Variants in NEGR1 observed in about 807,000 individuals in gnomAD.
NEGR1 encodes neuronal growth regulator 1.
In NEGR1, 10 loss-of-function variants were observed where a neutral mutation model predicts 40.9. The observed-to-expected ratio is 0.24, with a 90% CI of 0.15 to 0.42. NEGR1 has a LOEUF of 0.42. NEGR1 is among the 10% of genes least tolerant of loss of function. NEGR1 has a pLI of 1.00. For synonymous variants in NEGR1, 185 were observed against 166.8 expected (o/e 1.11, Z -0.84); for missense variants, 352 against 438.9 (o/e 0.80, Z 1.77).
At chr1:71,989,853 C>G (rs1227527043) in intron 1 of NEGR1, among the ~76,000 whole-genome samples, 1 of 152,128 alleles carries the variant, frequency 6.6e-6, no homozygotes, top group Admixed American at 6.5e-5. Flanking sequence ...TAGATTTTCT[C>G]ATTTATATAC....
intron 4 of NEGR1, among the ~76,000 whole-genome samples, chr1:71,689,835 G>T (rs919121673): frequency 6.6e-6 from 1 of 150,958 alleles, no homozygotes; most frequent in Non-Finnish European, 1.5e-5. Context: ...TTAAATAAAT[G>T]TAATGTAAAT....
intron 6 of NEGR1, among the ~76,000 whole-genome samples, chr1:71,471,953 T>C (rs1646785325): frequency 6.6e-6 from 1 of 152,098 alleles, no homozygotes; most frequent in South Asian, 2.1e-4. Context: ...TTCTCTATTC[T>C]TCCCTTTTAC....
At chr1:71,536,539 T>TCA (rs1241893691) in intron 6 of NEGR1, among the ~76,000 whole-genome samples, 1 of 151,730 alleles carries the variant, frequency 6.6e-6, no homozygotes, top group African/African-American at 2.4e-5. Flanking sequence ...GCCTGCAGAA[T>TCA]CACAAGCCAA....
At chr1:71,871,741 G>A (rs539124994) in intron 2 of NEGR1, among the ~76,000 whole-genome samples, 1 of 152,176 alleles carries the variant, frequency 6.6e-6, no homozygotes, top group East Asian at 1.9e-4. Flanking sequence ...TTTTTATTGA[G>A]GCACAGATAT....
chr1:72,130,768 T>C (rs1462412960), intron 1 of NEGR1, among the ~76,000 whole-genome samples: 1 of 152,292 alleles, frequency 6.6e-6, no homozygotes, highest in South Asian at 2.1e-4. Flanking sequence ...AATTCATGCC[T>C]CATATCCGCA....
At chr1:71,870,624 T>C (rs573224924) in intron 2 of NEGR1, among the ~76,000 whole-genome samples, 2 of 152,208 alleles carry the variant, frequency 1.3e-5, no homozygotes, top group African/African-American at 2.4e-5. Flanking sequence ...GAATTTGGTA[T>C]TGTAATATAT....
At chr1:72,201,454 T>C (rs1653202770) in intron 1 of NEGR1, among the ~76,000 whole-genome samples, 1 of 151,768 alleles carries the variant, frequency 6.6e-6, no homozygotes, top group Admixed American at 6.6e-5. Flanking sequence ...TATTAGTGTA[T>C]AATAGTTCAA....
At chr1:72,174,173 G>A (rs2821295) in intron 1 of NEGR1, among the ~76,000 whole-genome samples, 79,345 of 151,654 alleles carry the variant, frequency 0.52, 21,397 homozygotes, top group East Asian at 0.84. Context: ...CTTTCTTAAC[G>A]TAGACTGTTT....
rs746585370 is a variant in NEGR1 at position 71,400,234 on chromosome 1, C to T, written c.*7212G>A. On this transcript the variant is annotated 3_prime_UTR_variant, in exon 7 of 7. Coordinates refer to ENST00000357731, the MANE Select transcript of NEGR1 (RefSeq NM_173808.3). ...TGAACCATGCTACCTCCTGTAGTTT[C>T]TACCAAACCAAGATGTGTGCTAGGA... is the stretch of plus-strand genomic sequence containing the variant. The T allele has an allele frequency of 1.3e-5, 2 of 152,158 alleles. No individual in the cohort carries two copies. The highest frequency in any genetic ancestry group is 2.4e-5 in the African/African-American group (1 of 41,440). 9.4% of individuals were successfully genotyped at this position (152,158 alleles called of 1,614,324 possible).
chr1:72,155,957 C>A (rs148396903), intron 1 of NEGR1, among the ~76,000 whole-genome samples: 1 of 152,032 alleles, frequency 6.6e-6, no homozygotes, highest in Non-Finnish European at 1.5e-5. Context: ...TTTGACTTAT[C>A]CAAGAAACAG....
At chr1:71,829,098 C>T (rs1343600304) in intron 2 of NEGR1, among the ~76,000 whole-genome samples, 2 of 151,894 alleles carry the variant, frequency 1.3e-5, no homozygotes. Flanking sequence ...CTTCAATATA[C>T]TTTGTGATTT....
chr1:72,079,143 G>A (rs1647879633), intron 1 of NEGR1, among the ~76,000 whole-genome samples: 1 of 147,018 alleles, frequency 6.8e-6, no homozygotes, highest in African/African-American at 2.5e-5. Context: ...CAAATTAAAT[G>A]AGTGCCAAAT....
intron 4 of NEGR1, among the ~76,000 whole-genome samples, chr1:71,612,503 G>A (rs1570105412): frequency 6.6e-6 from 1 of 152,112 alleles, no homozygotes; most frequent in East Asian, 1.9e-4. Context: ...ACGTGATGAA[G>A]CTTATATTCT....
At chr1:71,723,784 T>C (rs1654586332) in intron 3 of NEGR1, among the ~76,000 whole-genome samples, 3 of 152,098 alleles carry the variant, frequency 2.0e-5, no homozygotes, top group Admixed American at 6.6e-5. Flanking sequence ...TTGTAGCCAG[T>C]TGGGCAAAAG....
At chr1:71,808,882 T>C (rs559528292) in intron 2 of NEGR1, among the ~76,000 whole-genome samples, 1 of 152,156 alleles carries the variant, frequency 6.6e-6, no homozygotes, top group Non-Finnish European at 1.5e-5. Context: ...CAAACATAAA[T>C]GACACTAACA....
At chr1:72,153,272 G>T (rs1651193131) in intron 1 of NEGR1, among the ~76,000 whole-genome samples, 1 of 151,922 alleles carries the variant, frequency 6.6e-6, no homozygotes, top group Admixed American at 6.6e-5. Context: ...TTCTTGAAAA[G>T]ACTAATTCAG....
At chr1:71,844,084 G>A (rs1410072439) in intron 2 of NEGR1, among the ~76,000 whole-genome samples, 1 of 152,094 alleles carries the variant, frequency 6.6e-6, no homozygotes, top group Non-Finnish European at 1.5e-5. Context: ...TTACCAGAGG[G>A]AATAAAATTA....
chr1:72,232,049 GA>G (rs1261916597), intron 1 of NEGR1, among the ~76,000 whole-genome samples: 5 of 151,884 alleles, frequency 3.3e-5, no homozygotes, highest in Admixed American at 3.3e-4. Context: ...AGTAGCCTTG[GA>G]ATCTTTATTT....
chr1:71,835,903 T>C (rs1181570552), intron 2 of NEGR1, among the ~76,000 whole-genome samples: 2 of 152,130 alleles, frequency 1.3e-5, no homozygotes, highest in Admixed American at 1.3e-4. Flanking sequence ...TATATGTATA[T>C]ATGCCTAGTC....
Sources: allele counts gnomAD v4.1 joint callset (sites outside exome capture counted in the v4.1 genomes callset), GRCh38; gene constraint gnomAD v4.1.1; transcripts MANE v1.5; gene names NCBI Gene and HGNC (gene_info 2026-07-23, HGNC 2026-07-21).